PCYT1A: variants seen among roughly 807,000 people sequenced by gnomAD.
PCYT1A encodes the protein phosphate cytidylyltransferase 1A, choline, also known as choline-phosphate cytidylyltransferase A.
In PCYT1A, 25 loss-of-function variants were observed where a neutral mutation model predicts 43.7. That is an observed-to-expected ratio of 0.57 (90% CI 0.42 to 0.80). The LOEUF is 0.80. PCYT1A is among the 30% of genes least tolerant of loss of function. PCYT1A has a pLI of 0.00. For synonymous variants in PCYT1A, 172 were observed against 170.7 expected (o/e 1.01, Z -0.06); for missense variants, 421 against 474.2 (o/e 0.89, Z 1.04).
Position 196,282,332 on chromosome 3 carries a change from A to T in PCYT1A, c.-11+5283T>A, listed in dbSNP as rs538230881. Among the ~76,000 whole-genome samples the T allele has an allele frequency of 1.2e-4, 18 of 152,352 alleles. No homozygotes were observed. Among genetic ancestry groups the T allele is most frequent in the African/African-American group, 4.3e-4 (18 of 41,586 alleles). ...AGTTGAACAATTTTACTCTGCCACT[A>T]TTCTACCAGAATATTTGGTGAGTAA... On this transcript the variant is annotated intron_variant, in intron 1 of 8. Transcript: ENST00000431016. This position sits in a 1 kb window ranked among gnomAD's most constrained non-coding sequence, Gnocchi z 4.3.
In PCYT1A at chr3:196,247,231, A is replaced by T; in HGVS notation, c.486+136T>A. The T allele has an allele frequency of 1.1e-6, 1 of 871,032 alleles. No individual in the cohort carries two copies. The highest frequency in any genetic ancestry group is 1.9e-6 in the Non-Finnish European group (1 of 536,530). The allele number at this position is 871,032 out of a possible 1,614,324, so 54.0% of individuals were successfully genotyped here. A position where few individuals can be genotyped will look rare whatever the true frequency, so the allele number is the denominator to read the frequency against. On this transcript the variant is annotated intron_variant, in intron 5 of 8. Coordinates refer to ENST00000431016, the MANE Select transcript of PCYT1A (RefSeq NM_001312673.2). This position sits in a 1 kb window ranked among gnomAD's most constrained non-coding sequence, Gnocchi z 4.8. ...GGTGACTGTTATCACTAGTAATATC[A>T]CTGTCATCTCCTACGAAACTTACAT...
chr3:196,257,737 G>A (rs1281042053), intron 3 of PCYT1A, 51 bp downstream of exon 3: 1 of 1,147,770 alleles, frequency 8.7e-7, no homozygotes, highest in African/African-American at 1.5e-5. Flanking sequence ...TAAAGACAAT[G>A]GAATGCTAAA....
intron 5 of PCYT1A, among the ~76,000 whole-genome samples, chr3:196,245,674 A>T (rs913744053): frequency 9.2e-5 from 14 of 152,126 alleles, no homozygotes; most frequent in Non-Finnish European, 1.5e-5. Flanking sequence ...TTACTCATGA[A>T]CAACTTGTCA....
intron 5 of PCYT1A, among the ~76,000 whole-genome samples, chr3:196,244,577 C>A (rs914083888): frequency 3.9e-5 from 6 of 152,208 alleles, no homozygotes; most frequent in Non-Finnish European, 7.3e-5. Flanking sequence ...CGGCCACCAC[C>A]CCGTCTGGGA....
intron 5 of PCYT1A, among the ~76,000 whole-genome samples, chr3:196,244,796 A>G (rs1236595203): frequency 1.3e-5 from 2 of 152,086 alleles, no homozygotes; most frequent in Non-Finnish European, 2.9e-5. Context: ...CTTACCCCCA[A>G]CCCTGTGCTC....
chr3:196,256,310 T>C (rs1724950225), intron 3 of PCYT1A, among the ~76,000 whole-genome samples: 2 of 151,920 alleles, frequency 1.3e-5, no homozygotes, highest in African/African-American at 4.8e-5. Context: ...GCCAACATGG[T>C]GAAACCCCGT....
In PCYT1A at chr3:196,234,879, A is replaced by G. The variant is rs2108758877; in HGVS notation, c.*3809T>C. On this transcript the variant is annotated 3_prime_UTR_variant, in exon 9 of 9. Transcript: ENST00000431016. The stretch of plus-strand genomic sequence containing the variant: ...GGCAGTCTATTCTATGAGAGAAAAC[A>G]AGAACAATCATTGTTATGACTTTGA... 1 of 152,368 alleles carries G rather than the reference A, an allele frequency of 6.6e-6. No individual in the cohort carries two copies. The highest frequency in any genetic ancestry group is 2.4e-5 in the African/African-American group (1 of 41,582). 9.4% of individuals were successfully genotyped at this position (152,368 alleles called of 1,614,324 possible). A position where few individuals can be genotyped will look rare whatever the true frequency, so the allele number is the denominator to read the frequency against.
In PCYT1A at chr3:196,252,440, C is replaced by G. The variant is rs1724831693; in HGVS notation, c.218-4117G>C. ...TTTTTGTATTTTTATATTCGTATCC[C>G]ATGTTGGCCAGGCTGGTCTCAATTT... On this transcript the variant is annotated intron_variant, in intron 3 of 8. Coordinates refer to ENST00000431016, the MANE Select transcript of PCYT1A (RefSeq NM_001312673.2). The surrounding 1 kb of genome is among the most constrained non-coding windows in gnomAD (Gnocchi z 4.0). Among the ~76,000 whole-genome samples, 2 of 152,082 alleles carry G rather than the reference C, an allele frequency of 1.3e-5. No individual in the cohort carries two copies. The highest frequency in any genetic ancestry group is 1.3e-4 in the Admixed American group (2 of 15,258).
In PCYT1A at chr3:196,241,939, G is replaced by A; in HGVS notation, c.708+9C>T. The A allele has an allele frequency of 1.2e-6, 2 of 1,614,106 alleles. No homozygotes were observed. Among genetic ancestry groups the A allele is most frequent in the Non-Finnish European group, 8.5e-7 (1 of 1,179,966 alleles). On this transcript the variant is annotated intron_variant, in intron 7 of 8. Coordinates refer to ENST00000431016, the MANE Select transcript of PCYT1A (RefSeq NM_001312673.2). ...AGTCAGGGAACTCTGGGGTAAGGCT[G>A]GAACTCACGTTGATAAAGCTGACAT...
chr3:196,239,786 C>T, intron 7 of PCYT1A, 51 bp from the exon 8 acceptor site: 1 of 1,264,302 alleles, frequency 7.9e-7, no homozygotes, highest in Non-Finnish European at 1.1e-6. Context: ...CTAAACTTCT[C>T]TACCATAAGA....
intron 2 of PCYT1A, among the ~76,000 whole-genome samples, chr3:196,265,304 G>A (rs1176389455): frequency 6.6e-6 from 1 of 152,042 alleles, no homozygotes; most frequent in Non-Finnish European, 1.5e-5. Flanking sequence ...CTGACCTCGT[G>A]ATCTGCCCTT....
chr3:196,272,162 T>C (rs112846385), intron 1 of PCYT1A, among the ~76,000 whole-genome samples: 5,970 of 78,722 alleles, frequency 0.076, 51 homozygotes, highest in African/African-American at 0.11. Context: ...CATAATGTAT[T>C]TTTTAAATGT....
At chr3:196,285,760 T>C (rs1212810899) in intron 1 of PCYT1A, among the ~76,000 whole-genome samples, 1 of 152,174 alleles carries the variant, frequency 6.6e-6, no homozygotes, top group African/African-American at 2.4e-5. Context: ...TCCCCCTTTC[T>C]TTCTCATCAT....
At chr3:196,278,973 C>A in intron 1 of PCYT1A, among the ~76,000 whole-genome samples, 2 of 133,600 alleles carry the variant, frequency 1.5e-5, no homozygotes, top group Admixed American at 7.7e-5. Flanking sequence ...AGAGCAAGAC[C>A]TCATCTCAAA....
intron 5 of PCYT1A, among the ~76,000 whole-genome samples, chr3:196,244,580 G>A (rs111254401): frequency 0.085 from 12,868 of 152,082 alleles, 683 homozygotes; most frequent in African/African-American, 0.14. Context: ...CCACCACCCC[G>A]TCTGGGAGGT....
intron 3 of PCYT1A, among the ~76,000 whole-genome samples, chr3:196,256,311 G>A (rs1724950314): frequency 6.6e-6 from 1 of 152,052 alleles, no homozygotes; most frequent in Non-Finnish European, 1.5e-5. Context: ...CCAACATGGT[G>A]AAACCCCGTC....
Position 196,238,795 on chromosome 3 carries a change from AG to A in PCYT1A, c.996del (p.Ser333LeufsTer164), listed in dbSNP as rs757164118. 2.0e-5 allele frequency: 32 copies of A among 1,582,560 alleles called. No individual in the cohort carries two copies. The highest frequency in any genetic ancestry group is 2.7e-5 in the Non-Finnish European group (31 of 1,165,412). ...TTGCCGGAGAAGGGCCATCGGAAAG[AG>A]GGGGAGGGGGAGCGCTCGCGAGTAG... is the stretch of plus-strand genomic sequence containing the variant. ...SSPTRERSPS[P>X]SFRWPFSGKT... On this transcript the variant is annotated frameshift_variant, in exon 9 of 9. Transcript: ENST00000431016. LOFTEE classifies it high-confidence loss of function.
At chr3:196,249,572 C>T (rs967916199) in intron 3 of PCYT1A, among the ~76,000 whole-genome samples, 1 of 152,134 alleles carries the variant, frequency 6.6e-6, no homozygotes, top group African/African-American at 2.4e-5. Flanking sequence ...GGGAACAAGA[C>T]TAATTCCAAA....
chr3:196,245,132 T>C (rs1724520638), intron 5 of PCYT1A, among the ~76,000 whole-genome samples: 3 of 148,522 alleles, frequency 2.0e-5, no homozygotes, highest in Admixed American at 1.3e-4. Context: ...TCAGGATCTA[T>C]CATTTCACTA....
Sources: allele counts gnomAD v4.1 joint callset (sites outside exome capture counted in the v4.1 genomes callset), GRCh38; gene constraint gnomAD v4.1.1; non-coding constraint Gnocchi (gnomAD v3.1); transcripts MANE v1.5; gene names NCBI Gene and HGNC (gene_info 2026-07-23, HGNC 2026-07-21).